Variants in GPR139 observed in about 807,000 individuals in gnomAD.
The protein encoded by GPR139 is G protein-coupled receptor 139.
Under a neutral mutation model 25.8 loss-of-function variants are expected in GPR139, and 12 were observed. That is an observed-to-expected ratio of 0.47 (90% CI 0.30 to 0.75). GPR139 has a LOEUF of 0.75. GPR139 is among the 30% of genes least tolerant of loss of function. GPR139 has a pLI of 0.07. For synonymous variants in GPR139, 184 were observed against 179.9 expected, an observed-to-expected ratio of 1.02 and a Z score of -0.18; for missense variants, 380 against 450.2, an observed-to-expected ratio of 0.84 and a Z score of 1.41.
chr16:20,048,371 G>A (rs2057360858), intron 1 of GPR139, among the ~76,000 whole-genome samples: 1 of 152,146 alleles, frequency 6.6e-6, no homozygotes, highest in Non-Finnish European at 1.5e-5. Flanking sequence ...ATGTACCAGA[G>A]CCTGGGTCAG....
chr16:20,036,917 G>T (rs1206023438), intron 1 of GPR139, among the ~76,000 whole-genome samples: 1 of 152,178 alleles, frequency 6.6e-6, no homozygotes, highest in African/African-American at 2.4e-5. Context: ...TATTAACTGG[G>T]CATTGACTAT....
rs1280980897 is a variant in GPR139 at position 20,041,251 on chromosome 16, GGA to G, written c.128-8584_128-8583del. On this transcript the variant is annotated intron_variant, in intron 1 of 1. Coordinates refer to ENST00000570682, the MANE Select transcript of GPR139 (RefSeq NM_001002911.4). ...GAGAGGAGAGGAGAGGAGAGGAGAG[GGA>G]AGGAGAAAAGAAAAGCATCTCTCTC... Among the ~76,000 whole-genome samples the G allele has an allele frequency of 1.4e-3, 3 of 2,104 alleles. 1 individual carries two copies. Among genetic ancestry groups the G allele is most frequent in the Non-Finnish European group, 3.0e-3 (3 of 986 alleles). 1.4% of individuals were successfully genotyped at this position (2,104 alleles called of 152,430 possible). A position where few individuals can be genotyped will look rare whatever the true frequency, so the allele number is the denominator to read the frequency against.
chr16:20,041,966 C>T (rs1480331627), intron 1 of GPR139, among the ~76,000 whole-genome samples: 3 of 152,142 alleles, frequency 2.0e-5, no homozygotes, highest in Non-Finnish European at 4.4e-5. Flanking sequence ...TGCTGGCTGA[C>T]TCTTACCCAA....
chr16:20,059,196 T>C (rs377259879), intron 1 of GPR139, among the ~76,000 whole-genome samples: 43 of 152,230 alleles, frequency 2.8e-4, no homozygotes, highest in African/African-American at 8.2e-4. Flanking sequence ...TCTCTACCAT[T>C]TACTCTTTTC....
Position 20,032,383 on chromosome 16 carries a change from C to T in GPR139, c.414G>A (p.Thr138=), listed in dbSNP as rs549998420. 8 of 1,614,102 alleles carry T rather than the reference C, an allele frequency of 5.0e-6. No individual in the cohort carries two copies. Among genetic ancestry groups the T allele is most frequent in the South Asian group, 3.3e-5 (3 of 91,074 alleles). Residue 138 remains threonine (T), a synonymous_variant, in exon 2 of 2, where the codon ACG becomes ACA. Transcript: ENST00000570682. Reference sequence around the variant, plus strand: ...TCCGGGTGCGGGCTGGGTATGAGACCGTGTGGTACTTGAGCGGGTGGCAGA... The same window carrying T: ...TCCGGGTGCGGGCTGGGTATGAGACTGTGTGGTACTTGAGCGGGTGGCAGA... ...IAVCHPLKYH[T]VSYPARTRKV...
intron 1 of GPR139, among the ~76,000 whole-genome samples, chr16:20,034,138 A>G (rs1330423889): frequency 6.6e-6 from 1 of 152,124 alleles, no homozygotes; most frequent in Non-Finnish European, 1.5e-5. Flanking sequence ...GAACACCGAT[A>G]ATGCTATTTT....
chr16:20,072,565 G>A (rs2057463425), intron 1 of GPR139, among the ~76,000 whole-genome samples: 1 of 152,090 alleles, frequency 6.6e-6, no homozygotes, highest in Non-Finnish European at 1.5e-5. Flanking sequence ...TGCAAGGAGG[G>A]TCCACCCAAA....
chr16:20,047,238 G>A (rs55943818), intron 1 of GPR139, among the ~76,000 whole-genome samples: 54,943 of 151,886 alleles, frequency 0.36, 10,536 homozygotes, highest in South Asian at 0.6. Flanking sequence ...AGCCTCCCAA[G>A]TAGCTGGGAT....
chr16:20,055,384 A>G (rs1051453873), intron 1 of GPR139, among the ~76,000 whole-genome samples: 9 of 152,180 alleles, frequency 5.9e-5, no homozygotes, highest in Non-Finnish European at 2.9e-5. Flanking sequence ...TCACCTTTCC[A>G]ACTCTGGGCT....
rs762504482 is a variant in GPR139 at position 20,073,478 on chromosome 16, CA to C, written c.127+11del. 1.3e-4 allele frequency: 214 copies of C among 1,610,272 alleles called. 4 individuals are homozygous for C. In the East Asian group the frequency reaches 1.9e-3, roughly 14 times the overall value. ...GTTCCTGGCTTCCCTCCCTCTCCCC[CA>C]CGCCCCTCACCTGGTAAACCGAGGC... On this transcript the variant is annotated intron_variant, in intron 1 of 1. Transcript: ENST00000570682. This position sits in a 1 kb window ranked among gnomAD's most constrained non-coding sequence, Gnocchi z 4.7.
intron 1 of GPR139, among the ~76,000 whole-genome samples, chr16:20,066,241 A>T (rs905447719): frequency 6.6e-6 from 1 of 152,088 alleles, no homozygotes; most frequent in Non-Finnish European, 1.5e-5. Flanking sequence ...CCATTTGCCA[A>T]TATGTTTCAG....
At chr16:20,071,684 TGGCA>T (rs1455287498) in intron 1 of GPR139, among the ~76,000 whole-genome samples, 1 of 152,212 alleles carries the variant, frequency 6.6e-6, no homozygotes, top group Non-Finnish European at 1.5e-5. Context: ...AGGCCCTAGC[TGGCA>T]TAGGAGTTGG....
chr16:20,051,300 C>A (rs771322567), intron 1 of GPR139, among the ~76,000 whole-genome samples: 2 of 152,180 alleles, frequency 1.3e-5, no homozygotes, highest in Non-Finnish European at 2.9e-5. Context: ...AATGCACACC[C>A]TCCTCCGCGT....
intron 1 of GPR139, among the ~76,000 whole-genome samples, chr16:20,038,454 C>T (rs556336160): frequency 2.6e-5 from 4 of 151,496 alleles, no homozygotes; most frequent in East Asian, 1.9e-4. Flanking sequence ...TTCTCCATAT[C>T]GAAGCTCTTT....
chr16:20,035,533 T>C (rs1452458562), intron 1 of GPR139, among the ~76,000 whole-genome samples: 1 of 152,246 alleles, frequency 6.6e-6, no homozygotes, highest in Non-Finnish European at 1.5e-5. Flanking sequence ...AAAATAGACA[T>C]GGTCTGTTTA....
chr16:20,067,769 A>G (rs2057440850), intron 1 of GPR139, among the ~76,000 whole-genome samples: 1 of 134,396 alleles, frequency 7.4e-6, no homozygotes, highest in South Asian at 2.3e-4. Context: ...GCACCATTGC[A>G]CTCCAGCCTG....
intron 1 of GPR139, among the ~76,000 whole-genome samples, chr16:20,063,525 T>A (rs2057421230): frequency 6.6e-6 from 1 of 151,954 alleles, no homozygotes; most frequent in Non-Finnish European, 1.5e-5. Flanking sequence ...AGAGGGAGAT[T>A]TACCACATAT....
intron 1 of GPR139, among the ~76,000 whole-genome samples, chr16:20,069,209 C>T (rs1359127210): frequency 6.7e-6 from 1 of 148,922 alleles, no homozygotes; most frequent in Non-Finnish European, 1.5e-5. Context: ...AGGCATTGTG[C>T]TCAGTGCTTA....
chr16:20,073,411 G>T lies in GPR139; in HGVS notation c.127+79C>A. The stretch of plus-strand genomic sequence containing the variant: ...CGAGGGGGCGCCAGGGAACGCACGG[G>T]GGAGGACGGGGGATTCTGGGTAGGG... On this transcript the variant is annotated intron_variant, in intron 1 of 1. Coordinates refer to ENST00000570682, the MANE Select transcript of GPR139 (RefSeq NM_001002911.4). This position sits in a 1 kb window ranked among gnomAD's most constrained non-coding sequence, Gnocchi z 4.7. 6.4e-7 allele frequency: 1 copy of T among 1,558,454 alleles called. No individual in the cohort carries two copies. The highest frequency in any genetic ancestry group is 1.9e-5 in the Admixed American group (1 of 52,586).
Sources: allele counts gnomAD v4.1 joint callset (sites outside exome capture counted in the v4.1 genomes callset), GRCh38; gene constraint gnomAD v4.1.1; non-coding constraint Gnocchi (gnomAD v3.1); transcripts MANE v1.5; gene names NCBI Gene and HGNC (gene_info 2026-07-23, HGNC 2026-07-21).